The following IL1RAPL1 variants were observed in gnomAD, a reference collection of about 807,000 sequenced individuals.
The protein encoded by IL1RAPL1 is interleukin-1 receptor accessory protein-like 1.
A neutral mutation model predicts 48.4 loss-of-function variants in IL1RAPL1; 3 were observed. The ratio of observed to expected loss-of-function variants is 0.06; its 90% CI spans 0.03 to 0.16. The LOEUF (loss-of-function observed/expected upper bound fraction) is 0.16, where lower values mean the gene tolerates loss of function less well. Ranked by LOEUF, IL1RAPL1 falls within the 10% of genes least tolerant of loss-of-function variation. The probability of loss-of-function intolerance (pLI) is 1.00; values close to 1 mark genes in which losing one functional copy is unlikely to be tolerated. For synonymous variants in IL1RAPL1, 185 were observed against 187.7 expected, an observed-to-expected ratio of 0.99 and a Z score of 0.12; for missense variants, 349 against 530.6, an observed-to-expected ratio of 0.66 and a Z score of 3.36.
rs759553553 is a variant in IL1RAPL1 at position 29,292,379 on chromosome X, G to A, written c.362+9162G>A. ...ACAGAATATACCTTTACTGTCACCT[G>A]GTGGAAATAAAAACTAATAAAGTGT... On this transcript the variant is annotated intron_variant, in intron 3 of 10. Coordinates refer to ENST00000378993, the MANE Select transcript of IL1RAPL1 (RefSeq NM_014271.4). 1.7e-3 allele frequency among the ~76,000 whole-genome samples: 189 copies of A among 111,038 alleles called. 1 individual carries two copies. Among genetic ancestry groups the A allele is most frequent in the Non-Finnish European group, 2.3e-3 (120 of 52,933 alleles).
chrX:28,819,972 A>G (rs1936915013), intron 2 of IL1RAPL1, among the ~76,000 whole-genome samples: 1 of 20,739 alleles, frequency 4.8e-5, no homozygotes, highest in East Asian at 1.9e-3. Flanking sequence ...ATAGTGATAT[A>G]TATATATATA....
chrX:29,641,273 A>C (rs1050496292), intron 5 of IL1RAPL1, among the ~76,000 whole-genome samples: 10 of 113,232 alleles, frequency 8.8e-5, no homozygotes, highest in African/African-American at 1.3e-4. Flanking sequence ...ATAAGCGATC[A>C]GACTGTCTCA....
At chrX:29,238,411 T>A (rs921624989) in intron 2 of IL1RAPL1, among the ~76,000 whole-genome samples, 2 of 112,102 alleles carry the variant, frequency 1.8e-5, no homozygotes, top group African/African-American at 6.5e-5. Flanking sequence ...TCTTATTTGT[T>A]CTTCCTGTAT....
intron 5 of IL1RAPL1, among the ~76,000 whole-genome samples, chrX:29,585,050 T>C (rs1923111155): frequency 8.9e-6 from 1 of 112,464 alleles, no homozygotes; most frequent in Non-Finnish European, 1.9e-5. Flanking sequence ...TGTATTTTAT[T>C]GTGTTGAGAA....
chrX:29,075,320 G>A (rs1033223991), intron 2 of IL1RAPL1, among the ~76,000 whole-genome samples: 3 of 111,529 alleles, frequency 2.7e-5, no homozygotes, highest in Non-Finnish European at 5.7e-5. Context: ...ATCTCTTTTT[G>A]TTTGTAGGCC....
intron 6 of IL1RAPL1, among the ~76,000 whole-genome samples, chrX:29,758,980 T>C (rs920967529): frequency 1.8e-5 from 2 of 111,552 alleles, no homozygotes; most frequent in African/African-American, 6.5e-5. Context: ...GAACAAAGTG[T>C]CCATCTTTGA....
chrX:29,260,457 G>A (rs755877834), intron 2 of IL1RAPL1, among the ~76,000 whole-genome samples: 2 of 112,006 alleles, frequency 1.8e-5, no homozygotes, highest in Non-Finnish European at 3.8e-5. Flanking sequence ...AGCTTGTGCT[G>A]GGAAACGCCC....
At chrX:29,784,485 G>C (rs1043667487) in intron 6 of IL1RAPL1, among the ~76,000 whole-genome samples, 1 of 111,505 alleles carries the variant, frequency 9.0e-6, no homozygotes, top group African/African-American at 3.3e-5. Context: ...AAATGTAATA[G>C]CATTTTGTAT....
At chrX:28,603,757 A>G (rs1934053068) in intron 1 of IL1RAPL1, among the ~76,000 whole-genome samples, 1 of 112,350 alleles carries the variant, frequency 8.9e-6, no homozygotes, top group African/African-American at 3.2e-5. Flanking sequence ...GAGAAAAGAG[A>G]GTTTGATTTA....
chrX:28,969,886 CATAT>C (rs749896724), intron 2 of IL1RAPL1, among the ~76,000 whole-genome samples: 60 of 107,159 alleles, frequency 5.6e-4, no homozygotes, highest in Non-Finnish European at 9.3e-4. Flanking sequence ...TTTCTAAACA[CATAT>C]ATATGTTTCT....
At chrX:29,013,101 G>A (rs1234093847) in intron 2 of IL1RAPL1, among the ~76,000 whole-genome samples, 1 of 109,952 alleles carries the variant, frequency 9.1e-6, no homozygotes, top group African/African-American at 3.3e-5. Flanking sequence ...ACAAACATGT[G>A]AGAAAAGTTC....
intron 3 of IL1RAPL1, among the ~76,000 whole-genome samples, chrX:29,286,483 A>C (rs939577849): frequency 1.8e-5 from 2 of 110,821 alleles, no homozygotes; most frequent in African/African-American, 3.3e-5. Flanking sequence ...GGAGTCCAAG[A>C]CCAGCCTGCG....
rs111719130 is a variant in IL1RAPL1, at chrX:28,921,008, A to C, written c.82+131583A>C. Among the ~76,000 whole-genome samples, 190 of 111,557 alleles carry C rather than the reference A, an allele frequency of 1.7e-3. 1 individual carries two copies. Among genetic ancestry groups the C allele is most frequent in the Middle Eastern group, 9.3e-3 (2 of 216 alleles). Reference sequence around the variant, plus strand: ...TACTACCTTTTTATTGGGTCAGGTAAGATGCAGGAGGAGGGAGAGCAAAGT... The same window carrying C: ...TACTACCTTTTTATTGGGTCAGGTACGATGCAGGAGGAGGGAGAGCAAAGT... On this transcript the variant is annotated intron_variant, in intron 2 of 10. Transcript: ENST00000378993.
intron 5 of IL1RAPL1, among the ~76,000 whole-genome samples, chrX:29,663,314 C>T (rs1311958553): frequency 2.7e-5 from 3 of 112,220 alleles, no homozygotes; most frequent in East Asian, 2.8e-4. Flanking sequence ...GTTTTATTGT[C>T]AGCTGTATAA....
At chrX:28,797,766 A>G (rs1936630021) in intron 2 of IL1RAPL1, among the ~76,000 whole-genome samples, 1 of 111,729 alleles carries the variant, frequency 9.0e-6, no homozygotes, top group Non-Finnish European at 1.9e-5. Context: ...CCCAGTTCCA[A>G]AGTCGCTTCT....
chrX:28,744,677 A>G (rs946163328), intron 1 of IL1RAPL1, among the ~76,000 whole-genome samples: 1 of 112,010 alleles, frequency 8.9e-6, no homozygotes, highest in Non-Finnish European at 1.9e-5. Flanking sequence ...TAAACGCAGC[A>G]GAACAGGTGG....
intron 6 of IL1RAPL1, among the ~76,000 whole-genome samples, chrX:29,732,374 C>T (rs893227966): frequency 8.9e-6 from 1 of 111,858 alleles, no homozygotes; most frequent in Non-Finnish European, 1.9e-5. Flanking sequence ...TATCTTTACT[C>T]ATTTTCAGTC....
intron 5 of IL1RAPL1, among the ~76,000 whole-genome samples, chrX:29,641,319 C>T (rs1022208446): frequency 8.8e-6 from 1 of 113,005 alleles, no homozygotes; most frequent in Non-Finnish European, 1.9e-5. Flanking sequence ...TTTCCTTAGC[C>T]GATTTCCTTA....
At chrX:29,526,560 C>G (rs760440137) in intron 5 of IL1RAPL1, among the ~76,000 whole-genome samples, 1 of 111,630 alleles carries the variant, frequency 9.0e-6, no homozygotes, top group African/African-American at 3.3e-5. Context: ...ATTCAACAAG[C>G]TAGCAATATG....
Sources: gnomAD v4.1 joint callset for allele counts (sites outside exome capture counted in the v4.1 genomes callset) on GRCh38, gnomAD v4.1.1 for gene constraint, MANE v1.5 for transcripts, NCBI Gene and HGNC (gene_info 2026-07-23, HGNC 2026-07-21) for gene names.